The following IHO1 variants were observed in gnomAD, a reference collection of about 807,000 sequenced individuals.
IHO1 encodes interactor of HORMAD1 protein 1.
Under a neutral mutation model 31.0 loss-of-function variants are expected in IHO1, and 13 were observed. That is an observed-to-expected ratio of 0.42 (90% CI 0.27 to 0.67). IHO1 has a LOEUF of 0.67. IHO1 is among the 30% of genes least tolerant of loss of function. The pLI is 0.24. For missense variants in IHO1, 599 were observed against 687.5 expected (o/e 0.87, Z 1.44); for synonymous variants, 221 against 248.4 (o/e 0.89, Z 1.04).
At chr3:49,192,991 A>T in the IHO1 span, among the ~76,000 whole-genome samples, 3 of 152,224 alleles carry the variant, frequency 2.0e-5, no homozygotes, top group Non-Finnish European at 4.4e-5. Flanking sequence ...CAACGGGACA[A>T]TAAGAAAATT....
At chr3:49,243,544 G>A (rs1353132235) in intron 4 of IHO1, among the ~76,000 whole-genome samples, 2 of 151,742 alleles carry the variant, frequency 1.3e-5, no homozygotes, top group African/African-American at 2.4e-5. Context: ...GGATCACGAG[G>A]TCAGGAGATT....
At chr3:49,248,714 C>G (rs771634558) in intron 6 of IHO1, among the ~76,000 whole-genome samples, 1 of 151,938 alleles carries the variant, frequency 6.6e-6, no homozygotes, top group Non-Finnish European at 1.5e-5. Flanking sequence ...GCAACAAGAG[C>G]GAAACTCTGT....
chr3:49,220,643 C>T (rs1417359582), intron 2 of IHO1, among the ~76,000 whole-genome samples: 4 of 151,950 alleles, frequency 2.6e-5, no homozygotes, highest in South Asian at 2.1e-4. Flanking sequence ...CTGAGGTGGG[C>T]GGATCATGAG....
At chr3:49,213,585 G>C (rs2046249219) in intron 2 of IHO1, among the ~76,000 whole-genome samples, 1 of 152,246 alleles carries the variant, frequency 6.6e-6, no homozygotes, top group Non-Finnish European at 1.5e-5. Flanking sequence ...CCACGGAGCA[G>C]GGGGCAGTGC....
At chr3:49,251,443 G>A (rs1256268537) in intron 6 of IHO1, among the ~76,000 whole-genome samples, 2 of 150,876 alleles carry the variant, frequency 1.3e-5, no homozygotes, top group African/African-American at 4.9e-5. Flanking sequence ...GCATCACCAT[G>A]CCCAGCTAAT....
intron 6 of IHO1, among the ~76,000 whole-genome samples, chr3:49,250,487 T>G (rs1003286598): frequency 2.6e-5 from 4 of 152,220 alleles, no homozygotes; most frequent in Non-Finnish European, 5.9e-5. Context: ...GCCTTTCTCA[T>G]GCTCTGCTTT....
chr3:49,224,287 GT>G (rs879282435), intron 2 of IHO1, among the ~76,000 whole-genome samples: 53 of 152,004 alleles, frequency 3.5e-4, no homozygotes, highest in African/African-American at 9.4e-4. Context: ...CTAATGGGAG[GT>G]TCCACCTGGC....
rs1172295586 is a variant in IHO1, at chr3:49,241,217, A to G, written c.232-9A>G. 3.2e-6 allele frequency: 5 copies of G among 1,577,060 alleles called. No homozygotes were observed. Among genetic ancestry groups the G allele is most frequent in the Non-Finnish European group, 4.3e-6 (5 of 1,165,252 alleles). ...GTGTGAAATGCTATATATTTTTTTC[A>G]TTTAACAGGGTGAACCTAGCATTTT... On this transcript the variant is annotated splice_polypyrimidine_tract_variant and intron_variant, in intron 3 of 7. Transcript: ENST00000452691.
At chr3:49,191,535 C>T in the IHO1 span, 54 of 686,740 alleles carry the variant, frequency 7.9e-5, no homozygotes, top group Non-Finnish European at 1.3e-4. Context: ...TTTCAGGAGA[C>T]CATGATGCAT....
intron 2 of IHO1, among the ~76,000 whole-genome samples, chr3:49,220,644 G>A (rs1475388758): frequency 1.3e-5 from 2 of 152,096 alleles, no homozygotes; most frequent in Non-Finnish European, 2.9e-5. Flanking sequence ...TGAGGTGGGC[G>A]GATCATGAGG....
At chr3:49,247,675 G>C (rs992677550) in intron 6 of IHO1, among the ~76,000 whole-genome samples, 1 of 152,078 alleles carries the variant, frequency 6.6e-6, no homozygotes, top group Admixed American at 6.6e-5. Context: ...TGTAGTCCCA[G>C]GTACTAGGGA....
chr3:49,218,770 A>C (rs1315825580), intron 2 of IHO1, among the ~76,000 whole-genome samples: 1 of 152,162 alleles, frequency 6.6e-6, no homozygotes, highest in Non-Finnish European at 1.5e-5. Flanking sequence ...ATGTGCTTGC[A>C]TGCCAAACTT....
chr3:49,234,128 AAC>A (rs1304944368), intron 2 of IHO1, among the ~76,000 whole-genome samples: 5 of 151,732 alleles, frequency 3.3e-5, no homozygotes, highest in Non-Finnish European at 7.4e-5. Context: ...ACAGTTAAGT[AAC>A]ACAAATTGTT....
intron 4 of IHO1, among the ~76,000 whole-genome samples, chr3:49,244,081 A>C (rs529635415): frequency 2.2e-4 from 34 of 151,758 alleles, no homozygotes; most frequent in African/African-American, 7.7e-4. Context: ...CAGCCTCCCC[A>C]GTAGCTGGAA....
At chr3:49,195,199 C>T (rs2045989815), upstream of IHO1, among the ~76,000 whole-genome samples, 1 of 152,120 alleles carries the variant, frequency 6.6e-6, no homozygotes, top group African/African-American at 2.4e-5. Context: ...GCGGGCAGAT[C>T]ACCTGAGGTC....
intron 2 of IHO1, among the ~76,000 whole-genome samples, chr3:49,220,220 C>T (rs756044277): frequency 2.6e-5 from 4 of 152,214 alleles, no homozygotes; most frequent in Non-Finnish European, 1.5e-5. Context: ...CTTTTAAATT[C>T]GGGAAATGCC....
chr3:49,203,628 C>G (rs2046098620), intron 1 of IHO1, among the ~76,000 whole-genome samples: 1 of 152,194 alleles, frequency 6.6e-6, no homozygotes, highest in South Asian at 2.1e-4. Flanking sequence ...ATACAGGACA[C>G]CCAGTTAAAT....
At chr3:49,205,331 CTT>C (rs766264368) in intron 1 of IHO1, among the ~76,000 whole-genome samples, 14 of 139,576 alleles carry the variant, frequency 1.0e-4, no homozygotes, top group Admixed American at 1.4e-4. Flanking sequence ...CCAGAGGTCA[CTT>C]TTTTTTTTTT....
intron 2 of IHO1, among the ~76,000 whole-genome samples, chr3:49,234,417 T>G (rs1448942283): frequency 2.0e-5 from 3 of 151,588 alleles, no homozygotes; most frequent in African/African-American, 7.3e-5. Flanking sequence ...TGAGCTCAGG[T>G]AGTCTGCCCA....
Sources: allele counts gnomAD v4.1 joint callset (sites outside exome capture counted in the v4.1 genomes callset), GRCh38; gene constraint gnomAD v4.1.1; transcripts MANE v1.5; gene names NCBI Gene and HGNC (gene_info 2026-07-23, HGNC 2026-07-21).